The following FAM193A variants were observed in gnomAD, a reference collection of about 807,000 sequenced individuals.
FAM193A encodes family with sequence similarity 193 member A.
Under a neutral mutation model 126.5 loss-of-function variants are expected in FAM193A, and 22 were observed. That is an observed-to-expected ratio of 0.17 (90% CI 0.12 to 0.25). FAM193A has a LOEUF of 0.25. Among genes scored for constraint, FAM193A ranks in the 10% least tolerant of loss-of-function variants. The pLI is 1.00. For missense variants in FAM193A, 1,675 were observed against 1,672.8 expected (o/e 1.00, Z -0.02); for synonymous variants, 761 against 646.8 (o/e 1.18, Z -2.68).
chr4:2,633,324 G>A (rs983094971), intron 5 of FAM193A, among the ~76,000 whole-genome samples: 10 of 151,954 alleles, frequency 6.6e-5, no homozygotes, highest in Admixed American at 2.0e-4. Flanking sequence ...ACTTGAACCC[G>A]GGAGGCAGAG....
rs1422411552 is a variant in FAM193A at position 2,625,381 on chromosome 4, C to T, written c.621C>T (p.Ala207=). ...LPSDTACSCE[A]CSERREISAE... ...CAGACACCGCATGCTCGTGCGAGGC[C>T]TGCAGTGAGCGCAGGTATGTGACGT... is the stretch of plus-strand genomic sequence containing the variant. The change falls in exon 3 of 21, where the codon GCC becomes GCT. Residue 207 remains alanine (A), a synonymous_variant. Transcript: ENST00000637812. 2 of 702,448 alleles carry T rather than the reference C, an allele frequency of 2.8e-6. No individual in the cohort carries two copies. Among genetic ancestry groups the T allele is most frequent in the East Asian group, 2.7e-5 (1 of 37,294 alleles). 43.5% of individuals were successfully genotyped at this position (702,448 alleles called of 1,614,324 possible). A position where few individuals can be genotyped will look rare whatever the true frequency, so the allele number is the denominator to read the frequency against.
intron 1 of FAM193A, among the ~76,000 whole-genome samples, chr4:2,563,027 C>G (rs1738721530): frequency 6.6e-6 from 1 of 152,066 alleles, no homozygotes; most frequent in Non-Finnish European, 1.5e-5. Flanking sequence ...TCACTGCAAC[C>G]TCTGCCTCCC....
At chr4:2,693,354 C>G (rs1015895653) in intron 15 of FAM193A, among the ~76,000 whole-genome samples, 1 of 152,188 alleles carries the variant, frequency 6.6e-6, no homozygotes, top group African/African-American at 2.4e-5. Context: ...TGTCGATGTT[C>G]TGAGGAGTTC....
intron 20 of FAM193A, among the ~76,000 whole-genome samples, chr4:2,725,574 T>C (rs751189842): frequency 6.6e-6 from 1 of 151,416 alleles, no homozygotes; most frequent in Admixed American, 6.6e-5. Context: ...TTGTATAGAC[T>C]CTAGATAGAG....
intron 13 of FAM193A, among the ~76,000 whole-genome samples, chr4:2,677,683 G>T (rs1714577383): frequency 1.3e-5 from 2 of 150,868 alleles, no homozygotes; most frequent in Admixed American, 1.3e-4. Flanking sequence ...GGAGATTGCA[G>T]TGAGCCAAGA....
At chr4:2,681,174 C>A (rs1715070142) in intron 13 of FAM193A, among the ~76,000 whole-genome samples, 1 of 151,806 alleles carries the variant, frequency 6.6e-6, no homozygotes, top group Admixed American at 6.6e-5. Context: ...TCTGTGTAAT[C>A]AATAATAATG....
intron 2 of FAM193A, among the ~76,000 whole-genome samples, chr4:2,617,554 G>A (rs1371437699): frequency 6.6e-6 from 1 of 151,626 alleles, no homozygotes; most frequent in Non-Finnish European, 1.5e-5. Flanking sequence ...ATGAGCCACC[G>A]CGTCTGGCCT....
chr4:2,704,993 G>A (rs777246137), intron 19 of FAM193A, among the ~76,000 whole-genome samples: 1 of 152,038 alleles, frequency 6.6e-6, no homozygotes, highest in Non-Finnish European at 1.5e-5. Context: ...CTCACTGCAA[G>A]CTCCGCCTCC....
rs147655744 is a variant in FAM193A at position 2,596,789 on chromosome 4, T to C, written c.501+460T>C. ...TGGGAAGACCGCACCCTTACTCTTATCTTTGACCTGATGGAGTTTTGGTGG... is the reference window on the plus strand; with the variant it reads ...TGGGAAGACCGCACCCTTACTCTTACCTTTGACCTGATGGAGTTTTGGTGG... On this transcript the variant is annotated intron_variant, in intron 2 of 20. Coordinates refer to ENST00000637812, the MANE Select transcript of FAM193A (RefSeq NM_001366318.2). 7.2e-4 allele frequency among the ~76,000 whole-genome samples: 109 copies of C among 152,208 alleles called. 1 individual carries two copies. The highest frequency in any genetic ancestry group is 2.1e-3 in the African/African-American group (86 of 41,506).
At chr4:2,721,063 C>T (rs999627123) in intron 20 of FAM193A, among the ~76,000 whole-genome samples, 6 of 151,980 alleles carry the variant, frequency 3.9e-5, no homozygotes, top group African/African-American at 1.5e-4. Flanking sequence ...CCTGTAATCC[C>T]AGCACTTTGG....
intron 1 of FAM193A, among the ~76,000 whole-genome samples, chr4:2,568,338 A>G (rs1030948759): frequency 6.6e-6 from 1 of 152,094 alleles, no homozygotes; most frequent in Non-Finnish European, 1.5e-5. Context: ...AGAATTAGGG[A>G]TTTTAAAAAA....
At chr4:2,724,959 CT>C (rs1720559793) in intron 20 of FAM193A, among the ~76,000 whole-genome samples, 1 of 152,136 alleles carries the variant, frequency 6.6e-6, no homozygotes, top group Non-Finnish European at 1.5e-5. Context: ...TCACTGCAAC[CT>C]CCGCCTTCCA....
At chr4:2,597,293 A>C (rs1473274108) in intron 2 of FAM193A, among the ~76,000 whole-genome samples, 1 of 152,192 alleles carries the variant, frequency 6.6e-6, no homozygotes, top group Non-Finnish European at 1.5e-5. Context: ...TCTTCATTAG[A>C]ATATAAACTC....
intron 2 of FAM193A, among the ~76,000 whole-genome samples, chr4:2,601,072 A>T (rs1741167325): frequency 6.6e-6 from 1 of 152,040 alleles, no homozygotes; most frequent in Non-Finnish European, 1.5e-5. Flanking sequence ...GTGCGGTATG[A>T]TAGTGCCACT....
chr4:2,665,881 C>T (rs1057383825), intron 12 of FAM193A, among the ~76,000 whole-genome samples: 2 of 152,036 alleles, frequency 1.3e-5, no homozygotes, highest in Non-Finnish European at 2.9e-5. Context: ...GAGTCTCGCT[C>T]TGTTGCCCAG....
intron 1 of FAM193A, among the ~76,000 whole-genome samples, chr4:2,585,800 C>T (rs1560461492): frequency 1.3e-5 from 2 of 152,100 alleles, no homozygotes; most frequent in Admixed American, 1.3e-4. Flanking sequence ...TGGTGGCGGG[C>T]ACCTGTAGTC....
intron 2 of FAM193A, among the ~76,000 whole-genome samples, chr4:2,598,738 C>T (rs1003181470): frequency 6.6e-6 from 1 of 152,236 alleles, no homozygotes; most frequent in Admixed American, 6.5e-5. Flanking sequence ...TCCTGTTGTG[C>T]ACCTGGGAGG....
rs551631026 is a variant in FAM193A, at chr4:2,581,853, C to T, written c.256-14231C>T. ...TATTTTTAGTAGAGACAGGGTTTCG[C>T]CATGTTAGCCAGGATGGTCTCAGTC... On this transcript the variant is annotated intron_variant, in intron 1 of 20. Coordinates refer to ENST00000637812, the MANE Select transcript of FAM193A (RefSeq NM_001366318.2). Among the ~76,000 whole-genome samples the T allele has an allele frequency of 1.8e-4, 28 of 151,880 alleles. No individual in the cohort carries two copies. The South Asian group carries it at 3.5e-3, about 19-fold the overall frequency.
chr4:2,595,340 T>C (rs1740798358), intron 1 of FAM193A, among the ~76,000 whole-genome samples: 1 of 152,238 alleles, frequency 6.6e-6, no homozygotes, highest in African/African-American at 2.4e-5. Context: ...TAAGCCACTG[T>C]GCCCAGCCTT....
Sources: allele counts gnomAD v4.1 joint callset (sites outside exome capture counted in the v4.1 genomes callset), GRCh38; gene constraint gnomAD v4.1.1; transcripts MANE v1.5; gene names NCBI Gene and HGNC (gene_info 2026-07-23, HGNC 2026-07-21).